The following ZNF568 variants were observed in gnomAD, a reference collection of about 807,000 sequenced individuals.
ZNF568 encodes the protein zinc finger protein 568.
ZNF568 carries 11 observed loss-of-function variants against 18.1 expected under a neutral mutation model. The ratio of observed to expected loss-of-function variants is 0.61; its 90% CI spans 0.38 to 1.00. ZNF568 has a LOEUF of 1.00. Ranked by LOEUF, ZNF568 falls within the 50% of genes least tolerant of loss-of-function variation. The pLI is 0.01. For synonymous variants in ZNF568, 213 were observed against 246.6 expected, an observed-to-expected ratio of 0.86 and a Z score of 1.28; for missense variants, 639 against 768.2, an observed-to-expected ratio of 0.83 and a Z score of 1.99.
At chr19:36,965,532 C>T (rs1199013253) in intron 6 of ZNF568, among the ~76,000 whole-genome samples, 1 of 152,116 alleles carries the variant, frequency 6.6e-6, no homozygotes, top group African/African-American at 2.4e-5. Context: ...TGGGCCTGTT[C>T]TGTCATGGAT....
intron 4 of ZNF568, among the ~76,000 whole-genome samples, chr19:36,935,140 A>G (rs1177892135): frequency 6.6e-6 from 1 of 152,146 alleles, no homozygotes; most frequent in African/African-American, 2.4e-5. Flanking sequence ...AGTGCTCTAT[A>G]CACTTGAGAA....
chr19:36,961,353 T>G (rs1257176330), intron 6 of ZNF568, among the ~76,000 whole-genome samples: 3 of 151,924 alleles, frequency 2.0e-5, no homozygotes, highest in Non-Finnish European at 4.4e-5. Context: ...TGCTCACTTT[T>G]GGTTTCCATT....
chr19:36,949,807 T>C lies in ZNF568; in HGVS notation c.654T>C (p.Val218=), dbSNP rs1481991339. ...GKPFYHCASY[V]VTPFKCNQCG... The stretch of plus-strand genomic sequence containing the variant: ...CATTTTACCATTGTGCATCCTATGT[T>C]GTAACCCCCTTTAAGTGTAATCAGT... The change falls in exon 7 of 7, where the codon GTT becomes GTC. Residue 218 remains valine (V), a synonymous_variant. Transcript: ENST00000333987. 8.1e-6 allele frequency: 13 copies of C among 1,613,886 alleles called. No individual in the cohort carries two copies. Among genetic ancestry groups the C allele is most frequent in the Non-Finnish European group, 1.1e-5 (13 of 1,179,954 alleles).
At chr19:36,969,134 T>C (rs989661442) in intron 6 of ZNF568, among the ~76,000 whole-genome samples, 1 of 151,108 alleles carries the variant, frequency 6.6e-6, no homozygotes, top group African/African-American at 2.4e-5. Context: ...GGATTACAGG[T>C]GTGAGCCACC....
chr19:36,927,842 ATATG>A (rs1392345613), intron 4 of ZNF568, among the ~76,000 whole-genome samples: 3 of 57,596 alleles, frequency 5.2e-5, no homozygotes, highest in African/African-American at 3.2e-4. Context: ...ATATAAAGAT[ATATG>A]TGTGTGTGTG....
chr19:36,963,365 G>A (rs938822212), intron 6 of ZNF568, among the ~76,000 whole-genome samples: 3 of 152,076 alleles, frequency 2.0e-5, no homozygotes, highest in East Asian at 1.9e-4. Flanking sequence ...TTTTATGTAC[G>A]AACACTGATG....
chr19:36,928,912 T>G (rs550983433), intron 4 of ZNF568, among the ~76,000 whole-genome samples: 7 of 68,622 alleles, frequency 1.0e-4, no homozygotes, highest in Admixed American at 4.4e-4. Context: ...TTAATATAAA[T>G]TGTCTTTAAC....
At chr19:36,967,962 T>G (rs1202198773) in intron 6 of ZNF568, among the ~76,000 whole-genome samples, 1 of 152,212 alleles carries the variant, frequency 6.6e-6, no homozygotes, top group Admixed American at 6.5e-5. Flanking sequence ...AATGCATATC[T>G]CTTAACAGTG....
chr19:36,997,515 T>TC (rs1377058619), downstream of ZNF568: 2 of 1,586,960 alleles, frequency 1.3e-6, no homozygotes, highest in Non-Finnish European at 1.7e-6. Flanking sequence ...AACTCACACA[T>TC]CATGAGAGAA....
At chr19:36,971,770 C>T (rs571775404) in intron 6 of ZNF568, among the ~76,000 whole-genome samples, 35 of 151,730 alleles carry the variant, frequency 2.3e-4, no homozygotes, top group South Asian at 1.3e-3. Context: ...ATCTCCTGAC[C>T]TTGTGATCTG....
At chr19:36,942,273 A>G (rs1366174368) in intron 6 of ZNF568, among the ~76,000 whole-genome samples, 1 of 150,840 alleles carries the variant, frequency 6.6e-6, no homozygotes, top group African/African-American at 2.4e-5. Context: ...CAGTCTGTAA[A>G]TGTTTCTGTA....
At chr19:36,968,789 G>C (rs1385678834) in intron 6 of ZNF568, among the ~76,000 whole-genome samples, 1 of 150,252 alleles carries the variant, frequency 6.7e-6, no homozygotes, top group Non-Finnish European at 1.5e-5. Flanking sequence ...AAATGGTAGA[G>C]AGAGAATCAA....
At chr19:36,969,781 A>ATTTT (rs200089198) in intron 6 of ZNF568, among the ~76,000 whole-genome samples, 10 of 77,116 alleles carry the variant, frequency 1.3e-4, no homozygotes, top group East Asian at 3.6e-4. Flanking sequence ...CCATCTCAAG[A>ATTTT]TTTTTTTTTT....
chr19:36,995,808 C>T (rs1483709689), intron 4 of ZNF568, among the ~76,000 whole-genome samples: 1 of 152,140 alleles, frequency 6.6e-6, no homozygotes, highest in African/African-American at 2.4e-5. Context: ...TACATAAATA[C>T]TTTGCTCCAA....
At chr19:36,949,249 T>C (rs1444179397) in intron 6 of ZNF568, among the ~76,000 whole-genome samples, 1 of 152,338 alleles carries the variant, frequency 6.6e-6, no homozygotes, top group Non-Finnish European at 1.5e-5. Context: ...ATTTTGCTGA[T>C]TTCTGCACTA....
intron 6 of ZNF568, among the ~76,000 whole-genome samples, chr19:36,939,532 C>CTTTTTTTTTTTTTT (rs386388962): frequency 6.4e-5 from 6 of 93,084 alleles, no homozygotes; most frequent in Admixed American, 1.4e-4. Context: ...TATTTTCTTT[C>CTTTTTTTTTTTTTT]TTTTTTTTTT....
intron 4 of ZNF568, among the ~76,000 whole-genome samples, chr19:36,935,567 A>G (rs1345868050): frequency 2.0e-5 from 3 of 151,968 alleles, no homozygotes; most frequent in Non-Finnish European, 2.9e-5. Flanking sequence ...ATCAAAAAAA[A>G]AAAAAAAAAA....
At chr19:36,957,219 CTTT>C (rs56712509), downstream of ZNF568, among the ~76,000 whole-genome samples, 1,575 of 69,554 alleles carry the variant, frequency 0.023, 29 homozygotes, top group African/African-American at 0.066. Context: ...CCAGACTGTT[CTTT>C]TTTTTTTTTT....
At chr19:36,980,053 T>C (rs921547012), downstream of ZNF568, 3 of 152,162 alleles carry the variant, frequency 2.0e-5, no homozygotes, top group Admixed American at 6.5e-5. Context: ...ATGTCATTTC[T>C]AATTTTTCTA....
Sources: gnomAD v4.1 joint callset for allele counts (sites outside exome capture counted in the v4.1 genomes callset) on GRCh38, gnomAD v4.1.1 for gene constraint, MANE v1.5 for transcripts, NCBI Gene and HGNC (gene_info 2026-07-23, HGNC 2026-07-21) for gene names.